Variants in MSI2 observed in about 807,000 individuals in gnomAD.
MSI2 encodes musashi RNA binding protein 2, also known as RNA-binding protein Musashi homolog 2.
In MSI2, 17 loss-of-function variants were observed where a neutral mutation model predicts 45.6. The observed-to-expected ratio is 0.37, with a 90% CI of 0.26 to 0.56. The LOEUF (loss-of-function observed/expected upper bound fraction) is 0.56, where lower values mean the gene tolerates loss of function less well. Ranked by LOEUF, MSI2 falls within the 20% of genes least tolerant of loss-of-function variation. The probability of loss-of-function intolerance (pLI) is 0.77; values close to 1 mark genes in which losing one functional copy is unlikely to be tolerated. For missense variants in MSI2, 293 were observed against 444.2 expected, an observed-to-expected ratio of 0.66 and a Z score of 3.06; for synonymous variants, 156 against 158.2, an observed-to-expected ratio of 0.99 and a Z score of 0.11.
At position 57,303,053 on chromosome 17, in the gene MSI2, C is replaced by T. The variant is rs1311895170; in HGVS notation, c.312+40861C>T. 3.3e-5 allele frequency among the ~76,000 whole-genome samples: 5 copies of T among 152,294 alleles called. No individual in the cohort carries two copies. In the South Asian group the frequency reaches 6.2e-4, roughly 19 times the overall value. ...TCCAGCTGGTGATCAGAGGCCAGAG[C>T]GGGGTTGGGCAGGACTGCTGGAGCA... On this transcript the variant is annotated intron_variant, in intron 5 of 13. Coordinates refer to ENST00000284073, the MANE Select transcript of MSI2 (RefSeq NM_138962.4).
rs1555626236 is a variant in MSI2, at chr17:57,575,147, T to TA, written c.455-21721_455-21720insA. Among the ~76,000 whole-genome samples, 8 of 119,594 alleles carry TA rather than the reference T, an allele frequency of 6.7e-5. No homozygotes were observed. In the South Asian group the frequency reaches 8.2e-4, roughly 12 times the overall value. The allele number at this position is 119,594 out of a possible 152,430, so 78.5% of individuals were successfully genotyped here. On this transcript the variant is annotated intron_variant, in intron 7 of 13. Transcript: ENST00000284073. ...GCCCGGCCGCATTCTCTTTTTTAACTCCCTCCCCCCGCCACCCCCCGGCTG... is the reference window on the plus strand; with the variant it reads ...GCCCGGCCGCATTCTCTTTTTTAACTACCCTCCCCCCGCCACCCCCCGGCTG...
intron 9 of MSI2, among the ~76,000 whole-genome samples, chr17:57,622,653 C>CA (rs113441008): frequency 0.092 from 13,186 of 143,784 alleles, 1,896 homozygotes; most frequent in African/African-American, 0.31. Context: ...GAAATGTGAG[C>CA]AAAAAAAAAA....
At chr17:57,467,911 T>A (rs2085358245) in intron 6 of MSI2, among the ~76,000 whole-genome samples, 1 of 136,186 alleles carries the variant, frequency 7.3e-6, no homozygotes, top group African/African-American at 2.8e-5. Context: ...TGACAGTCTC[T>A]GGCCCATTTT....
At chr17:57,337,599 T>G (rs1321902194) in intron 5 of MSI2, among the ~76,000 whole-genome samples, 1 of 152,150 alleles carries the variant, frequency 6.6e-6, no homozygotes, top group African/African-American at 2.4e-5. Flanking sequence ...GTTTACCACC[T>G]TGGCAACAAG....
At chr17:57,495,819 T>A (rs1441758698) in intron 6 of MSI2, among the ~76,000 whole-genome samples, 1 of 152,256 alleles carries the variant, frequency 6.6e-6, no homozygotes, top group Non-Finnish European at 1.5e-5. Context: ...GCTTTTATAT[T>A]TGAAGAGATC....
At chr17:57,584,726 G>A (rs2088297985) in intron 7 of MSI2, among the ~76,000 whole-genome samples, 1 of 152,030 alleles carries the variant, frequency 6.6e-6, no homozygotes, top group Non-Finnish European at 1.5e-5. Context: ...CACCAGGGCG[G>A]GGGGCCAGCA....
At chr17:57,597,090 G>A in intron 8 of MSI2, 140 bp downstream of exon 8, 1 of 622,774 alleles carries the variant, frequency 1.6e-6, no homozygotes, top group Non-Finnish European at 2.9e-6. Context: ...GTCCAGGCCT[G>A]TGAACAGTAG....
chr17:57,306,242 C>T (rs1157069924), intron 5 of MSI2, among the ~76,000 whole-genome samples: 1 of 151,984 alleles, frequency 6.6e-6, no homozygotes, highest in Non-Finnish European at 1.5e-5. Context: ...TTGTGCCTTA[C>T]CACCTGCAGA....
chr17:57,618,546 T>G (rs1383028604), intron 9 of MSI2, among the ~76,000 whole-genome samples: 1 of 152,054 alleles, frequency 6.6e-6, no homozygotes, highest in Non-Finnish European at 1.5e-5. Context: ...CCTGTCTCTC[T>G]CTTTCTTTTT....
intron 6 of MSI2, among the ~76,000 whole-genome samples, chr17:57,453,000 G>A (rs1442365427): frequency 8.7e-6 from 1 of 114,596 alleles, no homozygotes. Context: ...CTGGTTGAGG[G>A]ACTTTTTTTT....
intron 6 of MSI2, chr17:57,444,454 G>A (rs932618727): frequency 6.6e-6 from 1 of 152,028 alleles, no homozygotes; most frequent in Non-Finnish European, 1.5e-5. Context: ...CGTGGCGGCG[G>A]GCACCTGTAA....
intron 6 of MSI2, among the ~76,000 whole-genome samples, chr17:57,506,760 G>A (rs1431678875): frequency 6.6e-6 from 1 of 152,206 alleles, no homozygotes; most frequent in Non-Finnish European, 1.5e-5. Context: ...GCCTGTTGAA[G>A]GGCAAACCTT....
chr17:57,478,160 C>T (rs761388193), intron 6 of MSI2, among the ~76,000 whole-genome samples: 3 of 152,176 alleles, frequency 2.0e-5, no homozygotes, highest in Non-Finnish European at 4.4e-5. Context: ...ATGGCGGGCC[C>T]ACTGGCTGCA....
chr17:57,604,820 G>C (rs561054659), intron 8 of MSI2, among the ~76,000 whole-genome samples: 2 of 152,136 alleles, frequency 1.3e-5, no homozygotes, highest in South Asian at 2.1e-4. Flanking sequence ...CCAGCCGCAG[G>C]CTAGGGTCGG....
chr17:57,476,075 T>C (rs2085531559), intron 6 of MSI2, among the ~76,000 whole-genome samples: 1 of 152,204 alleles, frequency 6.6e-6, no homozygotes, highest in African/African-American at 2.4e-5. Flanking sequence ...CTTTGTATTC[T>C]GGAGAATTTT....
At chr17:57,692,849 T>A in the MSI2 span, among the ~76,000 whole-genome samples, 2 of 151,902 alleles carry the variant, frequency 1.3e-5, no homozygotes, top group Non-Finnish European at 2.9e-5. Flanking sequence ...CTTTATCCTA[T>A]CTTTGCTTTT....
intron 5 of MSI2, among the ~76,000 whole-genome samples, chr17:57,316,274 G>GTCCC: frequency 6.6e-6 from 1 of 151,648 alleles, no homozygotes; most frequent in East Asian, 1.9e-4. Context: ...ATCTTAGCCA[G>GTCCC]TCCCTCACTT....
At chr17:57,580,032 T>C (rs916998140) in intron 7 of MSI2, among the ~76,000 whole-genome samples, 2 of 151,862 alleles carry the variant, frequency 1.3e-5, no homozygotes, top group South Asian at 4.2e-4. Flanking sequence ...AACCTTTACA[T>C]TACTGGGTAC....
intron 6 of MSI2, among the ~76,000 whole-genome samples, chr17:57,443,870 C>T (rs984785214): frequency 6.6e-6 from 1 of 152,186 alleles, no homozygotes; most frequent in Admixed American, 6.5e-5. Flanking sequence ...CAGTAAACCT[C>T]AGCAGATGCC....
Sources: gnomAD v4.1 joint callset for allele counts (sites outside exome capture counted in the v4.1 genomes callset) on GRCh38, gnomAD v4.1.1 for gene constraint, MANE v1.5 for transcripts, NCBI Gene and HGNC (gene_info 2026-07-23, HGNC 2026-07-21) for gene names.